Variants in IGSF10 observed in about 807,000 individuals in gnomAD.
IGSF10 encodes the protein calvaria mechanical force protein 608.
IGSF10 carries 126 observed loss-of-function variants against 128.2 expected under a neutral mutation model. That is an observed-to-expected ratio of 0.98 (90% CI 0.85 to 1.14). The LOEUF (loss-of-function observed/expected upper bound fraction) is 1.14, where lower values mean the gene tolerates loss of function less well. IGSF10 is among the 50% of genes most tolerant of loss of function. The pLI is 0.00. For missense variants in IGSF10, 3,295 were observed against 3,149.8 expected (o/e 1.05, Z -1.10); for synonymous variants, 1,185 against 1,146.2 (o/e 1.03, Z -0.68).
the IGSF10 span, among the ~76,000 whole-genome samples, chr3:151,483,014 C>T: frequency 1.3e-5 from 2 of 151,962 alleles, no homozygotes; most frequent in Non-Finnish European, 2.9e-5. Flanking sequence ...TGAGGAAATT[C>T]ATCAATAGTC....
At chr3:151,495,208 C>T in the IGSF10 span, among the ~76,000 whole-genome samples, 2 of 152,038 alleles carry the variant, frequency 1.3e-5, no homozygotes, top group African/African-American at 2.4e-5. Flanking sequence ...TGACTTAATC[C>T]ACATCATTCC....
the IGSF10 span, among the ~76,000 whole-genome samples, chr3:151,514,089 A>T: frequency 6.6e-6 from 1 of 152,102 alleles, no homozygotes; most frequent in Non-Finnish European, 1.5e-5. Flanking sequence ...TCAAGCTACC[A>T]ATGACTTTCT....
chr3:151,526,502 T>TA, the IGSF10 span, among the ~76,000 whole-genome samples: 1 of 152,272 alleles, frequency 6.6e-6, no homozygotes, highest in South Asian at 2.1e-4. Flanking sequence ...CTCTTTGAGT[T>TA]CAGAGTATCT....
At chr3:151,535,841 C>A in the IGSF10 span, among the ~76,000 whole-genome samples, 1 of 152,172 alleles carries the variant, frequency 6.6e-6, no homozygotes, top group Admixed American at 6.6e-5. Flanking sequence ...ATAATCAAGT[C>A]TTTCCTCTAG....
chr3:151,579,583 G>C, the IGSF10 span, among the ~76,000 whole-genome samples: 1 of 150,416 alleles, frequency 6.6e-6, no homozygotes, highest in African/African-American at 2.4e-5. Flanking sequence ...CAAAAGAAAT[G>C]ATTCAAACAA....
the IGSF10 span, among the ~76,000 whole-genome samples, chr3:151,485,194 G>C: frequency 6.6e-6 from 1 of 152,004 alleles, no homozygotes; most frequent in South Asian, 2.1e-4. Flanking sequence ...GTGGAAGAAA[G>C]GATATCAGAG....
chr3:151,583,148 AT>A, the IGSF10 span, among the ~76,000 whole-genome samples: 19 of 150,954 alleles, frequency 1.3e-4, no homozygotes, highest in African/African-American at 4.1e-4. Flanking sequence ...TAGTTAACTA[AT>A]TTTTTTGTTC....
At chr3:151,547,427 T>TACACACACACAC in the IGSF10 span, among the ~76,000 whole-genome samples, 1 of 140,676 alleles carries the variant, frequency 7.1e-6, no homozygotes, top group Non-Finnish European at 1.5e-5. Context: ...TAAATATATA[T>TACACACACACAC]ATACACACAC....
chr3:151,596,672 T>C, the IGSF10 span, among the ~76,000 whole-genome samples: 1 of 152,190 alleles, frequency 6.6e-6, no homozygotes, highest in African/African-American at 2.4e-5. Flanking sequence ...CCCAGTTACC[T>C]AGACCAGCAT....
chr3:151,592,494 C>G, the IGSF10 span, among the ~76,000 whole-genome samples: 1 of 152,104 alleles, frequency 6.6e-6, no homozygotes, highest in Non-Finnish European at 1.5e-5. Flanking sequence ...TCAGAGGATC[C>G]AGATAGCTAT....
the IGSF10 span, among the ~76,000 whole-genome samples, chr3:151,553,164 G>A: frequency 6.6e-6 from 1 of 152,052 alleles, no homozygotes. Context: ...AACAATTACG[G>A]TTATACATCT....
chr3:151,517,327 T>C, the IGSF10 span, among the ~76,000 whole-genome samples: 3 of 151,966 alleles, frequency 2.0e-5, no homozygotes, highest in Non-Finnish European at 4.4e-5. Flanking sequence ...TTAAAGTGAG[T>C]AGACTGTTTA....
At chr3:151,578,557 C>T in the IGSF10 span, among the ~76,000 whole-genome samples, 1,972 of 152,286 alleles carry the variant, frequency 0.013, 16 homozygotes, top group South Asian at 0.058. Context: ...ATTGATTGCT[C>T]ATGAGAATGA....
At chr3:151,592,915 T>C in the IGSF10 span, among the ~76,000 whole-genome samples, 1 of 152,168 alleles carries the variant, frequency 6.6e-6, no homozygotes, top group African/African-American at 2.4e-5. Flanking sequence ...TTATCATATA[T>C]TTAAGTGAAA....
chr3:151,561,462 G>A, the IGSF10 span, among the ~76,000 whole-genome samples: 1 of 152,102 alleles, frequency 6.6e-6, no homozygotes, highest in Non-Finnish European at 1.5e-5. Flanking sequence ...GTACAAAGAG[G>A]TGTATAAAGG....
At chr3:151,510,678 G>T in the IGSF10 span, among the ~76,000 whole-genome samples, 6 of 152,178 alleles carry the variant, frequency 3.9e-5, no homozygotes, top group African/African-American at 1.4e-4. Flanking sequence ...GCTAAAGGAG[G>T]AAGTGTGAAC....
Position 151,436,831 on chromosome 3 carries a change from C to CTCT in IGSF10, c.7727_7729dup (p.Glu2576_Arg2577insLys). 1 of 1,614,138 alleles carries CTCT rather than the reference C, an allele frequency of 6.2e-7. No homozygotes were observed. The highest frequency in any genetic ancestry group is 1.3e-5 in the African/African-American group (1 of 75,034). ...GTGAAGCTGCTCACTTCCATGTGTCCTCTCTTTACTTGCCGTTGAGAGAAG... is the reference window on the plus strand; with the variant it reads ...GTGAAGCTGCTCACTTCCATGTGTCCTCTTCTCTTTACTTGCCGTTGAGAGAAG... On this transcript the variant is annotated inframe_insertion, in exon 8 of 8. Transcript: ENST00000282466.
rs891202112 is a variant in IGSF10 at position 151,437,789 on chromosome 3, G to A, written c.6772C>T (p.His2258Tyr). The change falls in exon 8 of 8, where the codon CAC (histidine) becomes TAC (tyrosine). Residue 2258 changes from histidine (H) to tyrosine (Y), a missense_variant. By Grantham distance (83) the His-to-Tyr change is moderately conservative. Transcript: ENST00000282466. ...KATAVRHSKK[H>Y]FDCRAEGTPS... ...GTCCCTTCAGCTCTGCAGTCAAAGTGTTTTTTGGAATGTCTCACAGCTGTG... is the reference window on the plus strand; with the variant it reads ...GTCCCTTCAGCTCTGCAGTCAAAGTATTTTTTGGAATGTCTCACAGCTGTG... 14 of 1,613,668 alleles carry A rather than the reference G, an allele frequency of 8.7e-6. No individual in the cohort carries two copies. Among genetic ancestry groups the A allele is most frequent in the East Asian group, 2.2e-5 (1 of 44,890 alleles).
chr3:151,463,535 T>TGTTTTTG (rs56084857), upstream of IGSF10, among the ~76,000 whole-genome samples: 6 of 52,156 alleles, frequency 1.2e-4, no homozygotes, highest in Non-Finnish European at 1.8e-4. Flanking sequence ...TTTTTTTTTT[T>TGTTTTTG]TTTTTTTTTT....
Sources: allele counts gnomAD v4.1 joint callset (sites outside exome capture counted in the v4.1 genomes callset), GRCh38; gene constraint gnomAD v4.1.1; transcripts MANE v1.5; gene names NCBI Gene and HGNC (gene_info 2026-07-23, HGNC 2026-07-21).